TRPM6: variants seen among roughly 807,000 people sequenced by gnomAD.
TRPM6 encodes channel kinase 2.
In TRPM6, 111 loss-of-function variants were observed where a neutral mutation model predicts 247.6. The ratio of observed to expected loss-of-function variants is 0.45; its 90% CI spans 0.38 to 0.52. TRPM6 has a LOEUF of 0.52. Ranked by LOEUF, TRPM6 falls within the 20% of genes least tolerant of loss-of-function variation. The pLI is 0.00. For missense variants in TRPM6, 2,126 were observed against 2,421.5 expected (o/e 0.88, Z 2.56); for synonymous variants, 892 against 853.8 (o/e 1.04, Z -0.78).
intron 23 of TRPM6, among the ~76,000 whole-genome samples, chr9:74,777,205 C>CTATT (rs1179947700): frequency 1.3e-5 from 2 of 152,180 alleles, no homozygotes; most frequent in African/African-American, 4.8e-5. Context: ...GTTGCACATG[C>CTATT]TATTAATAGC....
chr9:74,828,072 G>A lies in TRPM6; in HGVS notation c.670-123C>T, dbSNP rs1019316363. The stretch of plus-strand genomic sequence containing the variant: ...GTCTAGTTTAAAAAGTACTACTTGC[G>A]GCCAGGCATGGTGGCTCATGCCTGT... On this transcript the variant is annotated intron_variant, in intron 6 of 38. Transcript: ENST00000360774. 4.7e-5 allele frequency: 49 copies of A among 1,035,662 alleles called. 1 individual carries two copies. Among genetic ancestry groups the A allele is most frequent in the Admixed American group, 2.4e-4 (10 of 42,220 alleles). The allele number at this position is 1,035,662 out of a possible 1,614,324, so 64.2% of individuals were successfully genotyped here.
Position 74,762,493 on chromosome 9 carries a change from A to G in TRPM6, c.4178T>C (p.Val1393Ala), listed in dbSNP as rs758683461. The G allele has an allele frequency of 1.2e-6, 2 of 1,614,182 alleles. No individual in the cohort carries two copies. Among genetic ancestry groups the G allele is most frequent in the Non-Finnish European group, 1.7e-6 (2 of 1,180,034 alleles). Residue 1393 changes from valine (V) to alanine (A), a missense_variant, in exon 26 of 39, where the codon GTT (valine) becomes GCT (alanine). Physicochemically the swap from Val to Ala is moderately conservative, Grantham distance 64 (BLOSUM62 0). Around this residue, in one of 3 missense-constraint regions of TRPM6, gnomAD observed 717 missense variants for 715.9 expected, o/e 1.00. Coordinates refer to ENST00000360774, the MANE Select transcript of TRPM6 (RefSeq NM_017662.5). ...VLVHLTGQTP[V>A]VSDWASVDEP... ...ATCCACTGATGCCCAGTCAGAGACA[A>G]CTGGGGTCTGCCCAGTCAGATGAAC...
chr9:74,742,879 T>G (rs957732419), intron 32 of TRPM6, among the ~76,000 whole-genome samples: 1 of 152,190 alleles, frequency 6.6e-6, no homozygotes, highest in Non-Finnish European at 1.5e-5. Context: ...TCACCTCCAC[T>G]CTCCTGAATA....
At chr9:74,800,065 T>C (rs1373254540) in intron 17 of TRPM6, 189 bp downstream of exon 17, 4 of 628,944 alleles carry the variant, frequency 6.4e-6, no homozygotes, top group Non-Finnish European at 1.1e-5. Flanking sequence ...CCATCCCCGA[T>C]AGAGGAAGAC....
rs1828359867 is a variant in TRPM6, at chr9:74,802,106, A to G, written c.1801T>C (p.Ser601Pro). 1 of 1,614,102 alleles carries G rather than the reference A, an allele frequency of 6.2e-7. No individual in the cohort carries two copies. Among genetic ancestry groups the G allele is most frequent in the Non-Finnish European group, 8.5e-7 (1 of 1,179,994 alleles). Residue 601 changes from serine (S) to proline (P), a missense_variant, in exon 16 of 39, where the codon TCT becomes CCT. Coordinates refer to ENST00000360774, the MANE Select transcript of TRPM6 (RefSeq NM_017662.5). Reference protein sequence around the residue: ...KEQNVSDDPESTGFLYPYNDL... With the variant: ...KEQNVSDDPEPTGFLYPYNDL... ...TTGTAAGGGTAAAGAAAGCCAGTAG[A>G]CTCAGGGTCATCTGATACATTTTGT...
Position 74,735,315 on chromosome 9 carries a change from C to G in TRPM6, c.5777-2579G>C, listed in dbSNP as rs376721024. 6.8e-4 allele frequency among the ~76,000 whole-genome samples: 103 copies of G among 152,064 alleles called. 4 individuals are homozygous for G. In the South Asian group the frequency reaches 9.4e-3, roughly 14 times the overall value. ...GAGGAGAAAAGAGCAGCCCCAAGTACCAATCTGACTTCAAGAGAGTAAATG... is the reference window on the plus strand; with the variant it reads ...GAGGAGAAAAGAGCAGCCCCAAGTAGCAATCTGACTTCAAGAGAGTAAATG... On this transcript the variant is annotated intron_variant, in intron 36 of 38. Coordinates refer to ENST00000360774, the MANE Select transcript of TRPM6 (RefSeq NM_017662.5).
chr9:74,877,503 G>T (rs901422380), intron 1 of TRPM6, among the ~76,000 whole-genome samples: 1 of 152,132 alleles, frequency 6.6e-6, no homozygotes. Context: ...GCTACAGCAA[G>T]GTGCCATTTT....
At chr9:74,871,584 C>T (rs752572505) in intron 1 of TRPM6, among the ~76,000 whole-genome samples, 3 of 152,182 alleles carry the variant, frequency 2.0e-5, no homozygotes, top group African/African-American at 7.2e-5. Context: ...AACATACATA[C>T]AGCATAGCTT....
rs577772366 is a variant in TRPM6 at position 74,778,053 on chromosome 9, G to A, written c.3210-1977C>T. On this transcript the variant is annotated intron_variant, in intron 23 of 38. Transcript: ENST00000360774. ...TTCTGATGCCAGGATGGGCTTGGCC[G>A]CCTGGGCTGGGGCTAGAAAGGAGAC... Among the ~76,000 whole-genome samples, 9 of 152,328 alleles carry A rather than the reference G, an allele frequency of 5.9e-5. No individual in the cohort carries two copies. The South Asian group carries it at 8.3e-4, about 14-fold the overall frequency.
intron 1 of TRPM6, among the ~76,000 whole-genome samples, chr9:74,861,358 T>A (rs1445638999): frequency 6.6e-6 from 1 of 152,206 alleles, no homozygotes; most frequent in East Asian, 1.9e-4. Flanking sequence ...GATAAGAAAC[T>A]GATATCATTA....
chr9:74,801,995 C>A lies in TRPM6; in HGVS notation c.1912G>T (p.Ala638Ser). 1.2e-6 allele frequency: 2 copies of A among 1,614,226 alleles called. No homozygotes were observed. The highest frequency in any genetic ancestry group is 1.7e-6 in the Non-Finnish European group (2 of 1,180,044). ...CGGTAGAGGATACACGCAATCACGG[C>A]TTTAACCGTGGCCTCCTCTCCATGC... is the stretch of plus-strand genomic sequence containing the variant. ...WQHGEEATVK[A>S]VIACILYRAM... Residue 638 changes from alanine (A) to serine (S), a missense_variant, in exon 16 of 39, where the codon GCC (alanine) becomes TCC (serine). Physicochemically the swap from Ala to Ser is moderately conservative, Grantham distance 99. Transcript: ENST00000360774.
intron 32 of TRPM6, 60 bp downstream of exon 32, chr9:74,744,035 C>T: frequency 6.5e-7 from 1 of 1,535,900 alleles, no homozygotes; most frequent in Non-Finnish European, 9.0e-7. Context: ...TTTCTGTTTA[C>T]AAATGCAGAA....
chr9:74,843,529 C>T (rs1366667087), intron 3 of TRPM6, among the ~76,000 whole-genome samples: 1 of 152,118 alleles, frequency 6.6e-6, no homozygotes, highest in East Asian at 1.9e-4. Flanking sequence ...GAGTTGAAGG[C>T]CAGGTGCGGT....
chr9:74,858,017 G>T (rs1022798451), intron 2 of TRPM6, among the ~76,000 whole-genome samples: 1 of 152,134 alleles, frequency 6.6e-6, no homozygotes, highest in African/African-American at 2.4e-5. Flanking sequence ...AGGAACAGAA[G>T]AATCAAGTAG....
At chr9:74,818,593 G>A (rs901137546) in intron 9 of TRPM6, among the ~76,000 whole-genome samples, 1 of 152,136 alleles carries the variant, frequency 6.6e-6, no homozygotes, top group Non-Finnish European at 1.5e-5. Flanking sequence ...GTGAGCCAAC[G>A]TGTCCGAGCA....
At chr9:74,823,920 G>A (rs1829224784) in intron 7 of TRPM6, among the ~76,000 whole-genome samples, 1 of 152,102 alleles carries the variant, frequency 6.6e-6, no homozygotes, top group Admixed American at 6.6e-5. Context: ...GCTTGTGTGT[G>A]TGTGTGTGCG....
intron 3 of TRPM6, among the ~76,000 whole-genome samples, chr9:74,853,471 G>A (rs1020530682): frequency 2.0e-5 from 3 of 152,194 alleles, no homozygotes; most frequent in Admixed American, 6.5e-5. Context: ...GTGTCTGTGC[G>A]GAAATAAGTA....
At chr9:74,851,093 G>A (rs1028809241) in intron 3 of TRPM6, among the ~76,000 whole-genome samples, 3 of 141,050 alleles carry the variant, frequency 2.1e-5, no homozygotes, top group African/African-American at 7.3e-5. Flanking sequence ...GATTTGAGTT[G>A]ACATTTTATT....
intron 13 of TRPM6, 27 bp downstream of exon 13, chr9:74,810,788 A>G: frequency 6.2e-7 from 1 of 1,607,444 alleles, no homozygotes; most frequent in Non-Finnish European, 8.5e-7. Context: ...ACACAAAGAC[A>G]TGTTCACGCC....
Sources: gnomAD v4.1 joint callset for allele counts (sites outside exome capture counted in the v4.1 genomes callset) on GRCh38, gnomAD v4.1.1 for gene constraint, gnomAD v4.1.1 regional missense constraint, MANE v1.5 for transcripts, NCBI Gene and HGNC (gene_info 2026-07-23, HGNC 2026-07-21) for gene names.